The following TLN2 variants were observed in gnomAD, a reference collection of about 807,000 sequenced individuals.
TLN2 encodes the protein talin-2.
Under a neutral mutation model 294.7 loss-of-function variants are expected in TLN2, and 118 were observed. The ratio of observed to expected loss-of-function variants is 0.40; its 90% confidence interval spans 0.34 to 0.47. The LOEUF is 0.47. TLN2 is among the 20% of genes least tolerant of loss of function. The pLI is 0.84. For synonymous variants in TLN2, 1,431 were observed against 1,304.5 expected, an observed-to-expected ratio of 1.10 and a Z score of -2.09; for missense variants, 3,083 against 3,282.2, an observed-to-expected ratio of 0.94 and a Z score of 1.48.
At chr15:62,734,033 C>G (rs750945651) in intron 28 of TLN2, 5 of 152,168 alleles carry the variant, frequency 3.3e-5, no homozygotes, top group African/African-American at 4.8e-5. Flanking sequence ...TATGGGCTTC[C>G]TGTTTCCAGA....
intron 1 of TLN2, among the ~76,000 whole-genome samples, chr15:62,511,290 G>A (rs2039921298): frequency 6.6e-6 from 1 of 152,164 alleles, no homozygotes; most frequent in Non-Finnish European, 1.5e-5. Context: ...AAGTTGAAGA[G>A]CTGAGGAGTA....
chr15:62,705,182 C>T (rs145193128), intron 19 of TLN2, among the ~76,000 whole-genome samples: 78 of 152,328 alleles, frequency 5.1e-4, no homozygotes, highest in African/African-American at 1.8e-3. Context: ...GACAGTCCTA[C>T]AGAGCCTTTG....
rs1270599166 is a variant in TLN2, at chr15:62,844,589, TA to T, written c.*3980del. The T allele has an allele frequency of 6.6e-6, 1 of 152,158 alleles. No homozygotes were observed. The highest frequency in any genetic ancestry group is 2.4e-5 in the African/African-American group (1 of 41,446). The allele number at this position is 152,158 out of a possible 1,614,324, so 9.4% of individuals were successfully genotyped here. ...CATTAATTTATCTAACCACATAAGTTATTTTTTTTTATTTGCCAGAAATAAA... is the reference window on the plus strand; with the variant it reads ...CATTAATTTATCTAACCACATAAGTTTTTTTTTTTATTTGCCAGAAATAAA... On this transcript the variant is annotated 3_prime_UTR_variant, in exon 59 of 59. Transcript: ENST00000636159.
At chr15:62,634,177 T>G (rs1337548810) in intron 3 of TLN2, among the ~76,000 whole-genome samples, 2 of 152,292 alleles carry the variant, frequency 1.3e-5, no homozygotes, top group East Asian at 3.9e-4. Flanking sequence ...GTAAGCTAGG[T>G]GCACTGTTGG....
chr15:62,650,725 G>A (rs938905432), intron 5 of TLN2, among the ~76,000 whole-genome samples: 9 of 152,136 alleles, frequency 5.9e-5, no homozygotes, highest in Non-Finnish European at 1.3e-4. Context: ...CCAAGATACC[G>A]GGTTTTGGTA....
chr15:62,832,106 A>ATT (rs1555524776), intron 54 of TLN2: 1 of 26,908 alleles, frequency 3.7e-5, no homozygotes, highest in Non-Finnish European at 7.7e-5. Flanking sequence ...CCAATATACG[A>ATT]TCTTTTTTTT....
At chr15:62,677,329 C>T (rs984983103) in intron 11 of TLN2, among the ~76,000 whole-genome samples, 5 of 152,210 alleles carry the variant, frequency 3.3e-5, no homozygotes, top group African/African-American at 9.7e-5. Context: ...TCATCTCTTG[C>T]ATTCAGATCA....
chr15:62,701,288 AT>A, intron 17 of TLN2, 74 bp downstream of exon 17: 1 of 1,224,260 alleles, frequency 8.2e-7, no homozygotes, highest in Non-Finnish European at 1.1e-6. Flanking sequence ...ATTTTAAAAA[AT>A]AAGTTATCTG....
At chr15:62,429,940 A>G (rs1307530177) in intron 1 of TLN2, among the ~76,000 whole-genome samples, 1 of 152,250 alleles carries the variant, frequency 6.6e-6, no homozygotes, top group East Asian at 1.9e-4. Flanking sequence ...AGGTTTTTAC[A>G]TAACCGATAT....
At chr15:62,754,070 G>A in intron 36 of TLN2, 154 bp downstream of exon 36, 3 of 1,024,670 alleles carry the variant, frequency 2.9e-6, no homozygotes, top group South Asian at 6.5e-5. Context: ...TCAGGTGGGA[G>A]CAAATATTGC....
At chr15:62,790,408 G>GTTTT (rs2064997960) in intron 45 of TLN2, among the ~76,000 whole-genome samples, 1 of 152,200 alleles carries the variant, frequency 6.6e-6, no homozygotes, top group Non-Finnish European at 1.5e-5. Flanking sequence ...ACCGAGTAGA[G>GTTTT]CACTGTGCTC....
At chr15:62,798,281 C>T (rs1439516340) in intron 48 of TLN2, among the ~76,000 whole-genome samples, 3 of 152,144 alleles carry the variant, frequency 2.0e-5, no homozygotes, top group Admixed American at 1.3e-4. Context: ...GGGCCCTGTG[C>T]TTCTGTGACT....
chr15:62,839,080 TTCC>T, intron 58 of TLN2, 99 bp downstream of exon 58: 3 of 1,465,312 alleles, frequency 2.0e-6, no homozygotes, highest in Non-Finnish European at 2.8e-6. Context: ...AGTTTATTTC[TTCC>T]TCGTGTACCA....
At chr15:62,688,685 T>G (rs117126217) in intron 12 of TLN2, among the ~76,000 whole-genome samples, 3,709 of 152,256 alleles carry the variant, frequency 0.024, 75 homozygotes, top group South Asian at 0.051. Context: ...GAAGCTTTGT[T>G]GTTTGATGCC....
intron 39 of TLN2, 65 bp from the exon 40 acceptor site, chr15:62,763,498 G>T: frequency 6.5e-7 from 1 of 1,540,486 alleles, no homozygotes. Flanking sequence ...GCCCACCAGT[G>T]CTGGAGCAGG....
intron 1 of TLN2, among the ~76,000 whole-genome samples, chr15:62,586,292 A>G (rs1251058200): frequency 2.0e-5 from 3 of 152,222 alleles, no homozygotes; most frequent in Admixed American, 6.5e-5. Flanking sequence ...GTTAAGTCTC[A>G]TGATTGCTCA....
chr15:62,446,873 T>C (rs2035847496), intron 1 of TLN2, among the ~76,000 whole-genome samples: 1 of 152,186 alleles, frequency 6.6e-6, no homozygotes, highest in Non-Finnish European at 1.5e-5. Context: ...AACACAAGAT[T>C]AAATAACCAT....
chr15:62,787,311 T>A (rs1300171465), intron 45 of TLN2, among the ~76,000 whole-genome samples: 1 of 152,232 alleles, frequency 6.6e-6, no homozygotes, highest in African/African-American at 2.4e-5. Context: ...TAGTTGTTTT[T>A]TAAGGCTTGG....
intron 1 of TLN2, among the ~76,000 whole-genome samples, chr15:62,469,275 G>GC (rs1305980670): frequency 1.9e-4 from 29 of 152,326 alleles, no homozygotes; most frequent in African/African-American, 7.0e-4. Flanking sequence ...ATGAGCAGAT[G>GC]CATTTTCTGA....
Sources: allele counts gnomAD v4.1 joint callset (sites outside exome capture counted in the v4.1 genomes callset), GRCh38; gene constraint gnomAD v4.1.1; transcripts MANE v1.5; gene names NCBI Gene and HGNC (gene_info 2026-07-23, HGNC 2026-07-21).